The following TEC variants were observed in gnomAD, a reference collection of about 807,000 sequenced individuals.
TEC encodes tyrosine-protein kinase Tec.
In TEC, 72 loss-of-function variants were observed where a neutral mutation model predicts 93.0. The ratio of observed to expected loss-of-function variants is 0.77; its 90% CI spans 0.64 to 0.94. TEC has a LOEUF of 0.94. TEC is among the 40% of genes least tolerant of loss of function. TEC has a pLI of 0.00. For synonymous variants in TEC, 249 were observed against 247.7 expected, an observed-to-expected ratio of 1.01 and a Z score of -0.05; for missense variants, 630 against 757.9, an observed-to-expected ratio of 0.83 and a Z score of 1.98.
At chr4:48,141,567 T>C in intron 14 of TEC, 148 bp from the exon 15 acceptor site, 6 of 648,476 alleles carry the variant, frequency 9.3e-6, no homozygotes, top group Middle Eastern at 6.8e-4. Context: ...TTTTTACCCC[T>C]ATGGAAGTAT....
chr4:48,185,269 T>C (rs1168998543), intron 2 of TEC, among the ~76,000 whole-genome samples: 1 of 152,212 alleles, frequency 6.6e-6, no homozygotes, highest in African/African-American at 2.4e-5. Flanking sequence ...TATTCATACA[T>C]GTAGTCTTTT....
intron 1 of TEC, among the ~76,000 whole-genome samples, chr4:48,239,764 A>G (rs1215926759): frequency 6.6e-6 from 1 of 152,148 alleles, no homozygotes; most frequent in Non-Finnish European, 1.5e-5. Context: ...CTTAACAAAA[A>G]AAAATTTAAG....
At chr4:48,237,677 C>G (rs754607611) in intron 1 of TEC, among the ~76,000 whole-genome samples, 3 of 152,026 alleles carry the variant, frequency 2.0e-5, no homozygotes, top group Non-Finnish European at 4.4e-5. Context: ...CAGTATTTTA[C>G]CTACAGAATT....
rs1484539226 is a variant in TEC, at chr4:48,145,459, C to A, written c.1202G>T (p.Arg401Leu). 6.2e-7 allele frequency: 1 copy of A among 1,614,018 alleles called. No individual in the cohort carries two copies. Among genetic ancestry groups the A allele is most frequent in the Non-Finnish European group, 8.5e-7 (1 of 1,180,030 alleles). ...AQYKVAIKAI[R>L]EGAMCEEDFI... Reference sequence around the variant, plus strand: ...GTCCTCCTCGCACATTGCACCTTCCCGAATAGCTTTGATTGCGACTTTGTA... The same window carrying A: ...GTCCTCCTCGCACATTGCACCTTCCAGAATAGCTTTGATTGCGACTTTGTA... Residue 401 changes from arginine (R) to leucine (L), a missense_variant, in exon 13 of 18, where the codon CGG becomes CTG. Transcript: ENST00000381501.
intron 1 of TEC, among the ~76,000 whole-genome samples, chr4:48,231,735 C>T (rs756423539): frequency 1.3e-5 from 2 of 151,632 alleles, no homozygotes; most frequent in African/African-American, 2.4e-5. Flanking sequence ...CCAGCCTGGG[C>T]GACAGAGCAA....
At chr4:48,161,157 T>C (rs1577710614) in intron 8 of TEC, among the ~76,000 whole-genome samples, 1 of 152,132 alleles carries the variant, frequency 6.6e-6, no homozygotes, top group Non-Finnish European at 1.5e-5. Context: ...CCAAGCTTCT[T>C]GGTGAGAATG....
In TEC at chr4:48,196,609, C is replaced by T. The variant is rs575260585; in HGVS notation, c.139-20423G>A. 2.9e-3 allele frequency among the ~76,000 whole-genome samples: 449 copies of T among 152,280 alleles called. 4 individuals are homozygous for T. Among genetic ancestry groups the T allele is most frequent in the African/African-American group, 0.01 (431 of 41,554 alleles). On this transcript the variant is annotated intron_variant, in intron 2 of 17. Coordinates refer to ENST00000381501, the MANE Select transcript of TEC (RefSeq NM_003215.3). The stretch of plus-strand genomic sequence containing the variant: ...AGAGCCACTAGTTTTGATTAAGAAA[C>T]GATCCTCACACCTACCTTCTAGACT...
intron 1 of TEC, among the ~76,000 whole-genome samples, chr4:48,267,147 C>CAA (rs1724660924): frequency 1.3e-5 from 2 of 152,300 alleles, no homozygotes; most frequent in African/African-American, 4.8e-5. Context: ...TAAACCATAA[C>CAA]AAAACAAACT....
At position 48,210,904 on chromosome 4, in the gene TEC, C is replaced by T. The variant is rs61046378; in HGVS notation, c.138+17573G>A. 3.4e-3 allele frequency among the ~76,000 whole-genome samples: 513 copies of T among 152,262 alleles called. 8 individuals are homozygous for T. The highest frequency in any genetic ancestry group is 0.012 in the African/African-American group (493 of 41,556). On this transcript the variant is annotated intron_variant, in intron 2 of 17. Transcript: ENST00000381501. ...GCAAAGACTGAAACATGTAAAGACA[C>T]AATGGGCAACAATGCAACCTACCTT...
intron 1 of TEC, among the ~76,000 whole-genome samples, chr4:48,242,763 G>A (rs1225547474): frequency 6.6e-6 from 1 of 152,126 alleles, no homozygotes; most frequent in East Asian, 1.9e-4. Flanking sequence ...TTTCAACCAA[G>A]CTCTCATGCT....
intron 2 of TEC, among the ~76,000 whole-genome samples, chr4:48,186,761 G>A (rs7673458): frequency 0.41 from 61,180 of 150,424 alleles, 12,969 homozygotes; most frequent in Middle Eastern, 0.49. Context: ...GTCCGGGAGG[G>A]AGGTGGGGGG....
At chr4:48,246,931 T>C (rs1724071362) in intron 1 of TEC, among the ~76,000 whole-genome samples, 1 of 152,168 alleles carries the variant, frequency 6.6e-6, no homozygotes, top group Non-Finnish European at 1.5e-5. Flanking sequence ...AATTTTTGCG[T>C]GACATTATTG....
chr4:48,210,495 A>T (rs1228781590), intron 2 of TEC, among the ~76,000 whole-genome samples: 1 of 87,018 alleles, frequency 1.1e-5, no homozygotes, highest in Admixed American at 1.2e-4. Flanking sequence ...TATAAAAAAA[A>T]TGGAGGAGGA....
intron 2 of TEC, among the ~76,000 whole-genome samples, chr4:48,228,152 A>G (rs1723536468): frequency 6.6e-6 from 1 of 152,236 alleles, no homozygotes; most frequent in Non-Finnish European, 1.5e-5. Context: ...ACTTGGATAC[A>G]ATTTATATTT....
intron 2 of TEC, among the ~76,000 whole-genome samples, chr4:48,215,438 T>C (rs1009836208): frequency 4.6e-5 from 7 of 152,078 alleles, no homozygotes; most frequent in African/African-American, 1.7e-4. Flanking sequence ...GCCTGGGAGG[T>C]GGAGACTGCA....
chr4:48,185,625 G>C (rs949874951), intron 2 of TEC, among the ~76,000 whole-genome samples: 1 of 151,930 alleles, frequency 6.6e-6, no homozygotes, highest in Non-Finnish European at 1.5e-5. Flanking sequence ...ACACTAAGGA[G>C]AAAAAGAAAC....
intron 2 of TEC, among the ~76,000 whole-genome samples, chr4:48,188,399 G>C (rs780596879): frequency 9.2e-5 from 14 of 152,124 alleles, no homozygotes; most frequent in Non-Finnish European, 1.6e-4. Context: ...GAGACATGCT[G>C]AACTAAATCA....
chr4:48,138,624 C>G, intron 17 of TEC, 41 bp downstream of exon 17: 1 of 1,570,746 alleles, frequency 6.4e-7, no homozygotes, highest in Non-Finnish European at 8.6e-7. Flanking sequence ...CAAGCCCAAT[C>G]CCTAAGAGAT....
rs553475275 is a variant in TEC, at chr4:48,269,794, A to G, written c.-88T>C. 1.2e-4 allele frequency: 19 copies of G among 152,182 alleles called. No individual in the cohort carries two copies. Among genetic ancestry groups the G allele is most frequent in the Admixed American group, 3.9e-4 (6 of 15,304 alleles). The allele number at this position is 152,182 out of a possible 1,614,324, so 9.4% of individuals were successfully genotyped here. On this transcript the variant is annotated 5_prime_UTR_variant, in exon 1 of 18. Transcript: ENST00000381501. ...GCTGGGCGGACCTGGGGAGACTGCG[A>G]GGTGCAGTCTGCGCCGCGGAGTCCG...
Sources: gnomAD v4.1 joint callset for allele counts (sites outside exome capture counted in the v4.1 genomes callset) on GRCh38, gnomAD v4.1.1 for gene constraint, MANE v1.5 for transcripts, NCBI Gene and HGNC (gene_info 2026-07-23, HGNC 2026-07-21) for gene names.